PDXDC1: variants seen among roughly 807,000 people sequenced by gnomAD.
The protein encoded by PDXDC1 is pyridoxal dependent decarboxylase domain containing 1.
In PDXDC1, 42 loss-of-function variants were observed where a neutral mutation model predicts 100.1. That is an observed-to-expected ratio of 0.42 (90% CI 0.33 to 0.54). PDXDC1 has a LOEUF of 0.54. Ranked by LOEUF, PDXDC1 falls within the 20% of genes least tolerant of loss-of-function variation. The pLI is 0.10. For missense variants in PDXDC1, 636 were observed against 979.2 expected, an observed-to-expected ratio of 0.65 and a Z score of 4.68; for synonymous variants, 260 against 371.7, an observed-to-expected ratio of 0.70 and a Z score of 3.46.
In PDXDC1 at chr16:15,037,479, G is replaced by A. The variant is rs2043531706; in HGVS notation, c.*1204G>A. Reference sequence around the variant, plus strand: ...CATTTACACTTGTCAAAATGCAGGGGGTTTTTTTTGGTGCAGATGATTAAA... The same window carrying A: ...CATTTACACTTGTCAAAATGCAGGGAGTTTTTTTTGGTGCAGATGATTAAA... On this transcript the variant is annotated 3_prime_UTR_variant, in exon 23 of 23. Coordinates refer to ENST00000396410, the MANE Select transcript of PDXDC1 (RefSeq NM_015027.4). 6.6e-6 allele frequency: 1 copy of A among 152,248 alleles called. No homozygotes were observed. The highest frequency in any genetic ancestry group is 2.4e-5 in the African/African-American group (1 of 41,366). The allele number at this position is 152,248 out of a possible 1,614,324, so 9.4% of individuals were successfully genotyped here. A position where few individuals can be genotyped will look rare whatever the true frequency, so the allele number is the denominator to read the frequency against.
chr16:15,000,400 T>C (rs1481241158), intron 3 of PDXDC1, among the ~76,000 whole-genome samples: 3 of 152,416 alleles, frequency 2.0e-5, no homozygotes, highest in Admixed American at 6.5e-5. Flanking sequence ...AGGCAGCCAG[T>C]GTGCCTCAAG....
At chr16:15,031,577 A>T (rs1181369948) in intron 16 of PDXDC1, among the ~76,000 whole-genome samples, 158 bp from the exon 17 acceptor site, 1 of 151,966 alleles carries the variant, frequency 6.6e-6, no homozygotes, top group East Asian at 1.9e-4. Flanking sequence ...TAATTCTTCC[A>T]TATCTGTGTT....
At chr16:15,117,678 G>A (rs2047285265) in intron 16 of PDXDC1, among the ~76,000 whole-genome samples, 1 of 118,196 alleles carries the variant, frequency 8.5e-6, no homozygotes, top group South Asian at 3.5e-4. Flanking sequence ...GGGCAACAGA[G>A]GGAGACTCGT....
intron 16 of PDXDC1, among the ~76,000 whole-genome samples, chr16:15,115,031 G>C (rs1192808014): frequency 6.7e-6 from 1 of 148,620 alleles, no homozygotes; most frequent in South Asian, 2.1e-4. Flanking sequence ...CAGCTCCTGG[G>C]CTCAAGCCAT....
rs1332785681 is a variant in PDXDC1 at position 15,109,587 on chromosome 16, G to A, written c.1400-29292G>A. On this transcript the variant is annotated intron_variant, in intron 16 of 16. Transcript: ENST00000535621. ...GATAAGAATCGTTTGAACCTGGGAG[G>A]CGGAGGTTGCAGTGAGCCAAGATCA... is the stretch of plus-strand genomic sequence containing the variant. Among the ~76,000 whole-genome samples the A allele has an allele frequency of 2.0e-4, 25 of 126,288 alleles. 1 individual carries two copies. The highest frequency in any genetic ancestry group is 4.5e-4 in the African/African-American group (16 of 35,430). 82.8% of individuals were successfully genotyped at this position (126,288 alleles called of 152,430 possible). A position where few individuals can be genotyped will look rare whatever the true frequency, so the allele number is the denominator to read the frequency against.
rs758354890 is a variant in PDXDC1 at position 15,130,662 on chromosome 16, C to G, written c.1400-8217C>G. The G allele has an allele frequency of 5.7e-6, 8 of 1,392,726 alleles. No individual in the cohort carries two copies. In the Admixed American group the frequency reaches 1.5e-4, roughly 26 times the overall value. 86.3% of individuals were successfully genotyped at this position (1,392,726 alleles called of 1,614,324 possible). ...CGGGGAAATGAAGAAGGTGTAGGGC[C>G]GGTGGTCGGCACCCTGGAGGGACTC... On this transcript the variant is annotated intron_variant, in intron 16 of 16. Coordinates refer to the PDXDC1 transcript ENST00000535621.
rs1487088760 is a variant in PDXDC1 at position 14,975,186 on chromosome 16, C to T, written c.-14C>T. The stretch of plus-strand genomic sequence containing the variant: ...GAGCCCGGGACCGCCAGGCCACCAC[C>T]GGCCGCCTCAGCCATGGACGCGTCC... On this transcript the variant is annotated 5_prime_UTR_variant, in exon 1 of 23. Transcript: ENST00000396410. The T allele has an allele frequency of 3.4e-6, 5 of 1,450,872 alleles. No individual in the cohort carries two copies. Among genetic ancestry groups the T allele is most frequent in the African/African-American group, 3.0e-5 (2 of 67,450 alleles). 89.9% of individuals were successfully genotyped at this position (1,450,872 alleles called of 1,614,324 possible). A position where few individuals can be genotyped will look rare whatever the true frequency, so the allele number is the denominator to read the frequency against.
At chr16:15,029,558 C>T (rs1388531857) in intron 15 of PDXDC1, 76 of 376,578 alleles carry the variant, frequency 2.0e-4, no homozygotes, top group Non-Finnish European at 3.0e-4. Context: ...TGGTCATAAA[C>T]GAAATGAATC....
chr16:15,060,238 T>C (rs76759832), intron 16 of PDXDC1: 1 of 343,524 alleles, frequency 2.9e-6, no homozygotes, highest in Non-Finnish European at 5.7e-6. Context: ...TTACTCGTTT[T>C]ATCTAATATT....
At chr16:15,098,113 A>G (rs1567240033) in intron 16 of PDXDC1, among the ~76,000 whole-genome samples, 1 of 151,436 alleles carries the variant, frequency 6.6e-6, no homozygotes, top group Non-Finnish European at 1.5e-5. Flanking sequence ...GTATGTGTAC[A>G]AGTGTTTTTC....
chr16:15,093,775 G>T (rs1243146093), intron 16 of PDXDC1, among the ~76,000 whole-genome samples: 1 of 152,158 alleles, frequency 6.6e-6, no homozygotes, highest in Non-Finnish European at 1.5e-5. Flanking sequence ...TATTCAATTT[G>T]CCATGAGTGA....
Position 15,111,495 on chromosome 16 carries a change from C to T in PDXDC1, c.1400-27384C>T, listed in dbSNP as rs557779314. Among the ~76,000 whole-genome samples, 11 of 147,664 alleles carry T rather than the reference C, an allele frequency of 7.4e-5. No individual in the cohort carries two copies. In the East Asian group the frequency reaches 1.8e-3, roughly 24 times the overall value. ...AAAAAATAGGCCAGGTGTGGTAGCT[C>T]ACGCCTGTAATCCTAGCACTTTGGG... On this transcript the variant is annotated intron_variant, in intron 16 of 16. Transcript: ENST00000535621.
At chr16:15,006,899 T>C (rs773770249) in intron 6 of PDXDC1, among the ~76,000 whole-genome samples, 7 of 152,408 alleles carry the variant, frequency 4.6e-5, no homozygotes, top group South Asian at 4.1e-4. Flanking sequence ...TTAATAATAA[T>C]TTTTCAAAGT....
At chr16:15,065,788 TACTC>T (rs2044944879) in intron 16 of PDXDC1, among the ~76,000 whole-genome samples, 1 of 152,120 alleles carries the variant, frequency 6.6e-6, no homozygotes, top group Admixed American at 6.5e-5. Context: ...ATTCAGGAGT[TACTC>T]AGGAGGAAAT....
intron 16 of PDXDC1, chr16:15,055,797 A>G: frequency 1.5e-6 from 1 of 660,506 alleles, no homozygotes; most frequent in African/African-American, 1.9e-5. Flanking sequence ...CAACAGCGCC[A>G]AGTTTCAAGT....
At chr16:15,139,646 T>C (rs527370380), downstream of PDXDC1, among the ~76,000 whole-genome samples, 166 of 151,490 alleles carry the variant, frequency 1.1e-3, no homozygotes, top group Middle Eastern at 6.8e-3. Flanking sequence ...CCAGGCATGG[T>C]GGTGTGGAGC....
At chr16:15,111,436 A>G (rs1484457905) in intron 16 of PDXDC1, among the ~76,000 whole-genome samples, 3 of 132,660 alleles carry the variant, frequency 2.3e-5, no homozygotes, top group Non-Finnish European at 3.3e-5. Flanking sequence ...AACCTGGGCA[A>G]CAAAATTCAA....
chr16:14,985,281 CTTTT>C (rs769346480), intron 1 of PDXDC1, among the ~76,000 whole-genome samples: 5 of 114,514 alleles, frequency 4.4e-5, no homozygotes, highest in African/African-American at 6.4e-5. Context: ...TGATAAACAA[CTTTT>C]TTTTTTTTTT....
intron 16 of PDXDC1, among the ~76,000 whole-genome samples, chr16:15,054,069 C>T (rs2044402610): frequency 6.6e-6 from 1 of 152,206 alleles, no homozygotes; most frequent in African/African-American, 2.4e-5. Context: ...CCCTCCTCAC[C>T]CGGGCTGCTC....
Sources: allele counts gnomAD v4.1 joint callset (sites outside exome capture counted in the v4.1 genomes callset), GRCh38; gene constraint gnomAD v4.1.1; transcripts MANE v1.5; gene names NCBI Gene and HGNC (gene_info 2026-07-23, HGNC 2026-07-21).